SORCS3: variants seen among roughly 807,000 people sequenced by gnomAD.
The protein encoded by SORCS3 is sortilin related VPS10 domain containing receptor 3.
SORCS3 carries 57 observed loss-of-function variants against 146.3 expected under a neutral mutation model. The ratio of observed to expected loss-of-function variants is 0.39; its 90% CI spans 0.31 to 0.49. The LOEUF is 0.49. Among genes scored for constraint, SORCS3 ranks in the 20% least tolerant of loss-of-function variants. The pLI is 0.92. For missense variants in SORCS3, 1,341 were observed against 1,575.5 expected, an observed-to-expected ratio of 0.85 and a Z score of 2.52; for synonymous variants, 653 against 618.5, an observed-to-expected ratio of 1.06 and a Z score of -0.83.
intron 1 of SORCS3, among the ~76,000 whole-genome samples, chr10:104,770,908 A>T (rs2017241066): frequency 6.6e-6 from 1 of 152,172 alleles, no homozygotes; most frequent in African/African-American, 2.4e-5. Flanking sequence ...TATATCCAAA[A>T]TACTATTTTA....
chr10:105,193,114 C>T (rs538444975), intron 14 of SORCS3, among the ~76,000 whole-genome samples: 1 of 152,128 alleles, frequency 6.6e-6, no homozygotes, highest in African/African-American at 2.4e-5. Context: ...ATTAATTACT[C>T]CCCTTCCTGA....
chr10:105,090,726 C>T (rs1186230044), intron 6 of SORCS3, among the ~76,000 whole-genome samples: 1 of 152,148 alleles, frequency 6.6e-6, no homozygotes, highest in Non-Finnish European at 1.5e-5. Context: ...CCTCTCTGGG[C>T]TGTAACTCCC....
At chr10:104,789,619 A>G (rs2017474045) in intron 1 of SORCS3, among the ~76,000 whole-genome samples, 1 of 152,232 alleles carries the variant, frequency 6.6e-6, no homozygotes, top group Admixed American at 6.5e-5. Flanking sequence ...AAATGTAAAA[A>G]CTACAATTGC....
At chr10:104,643,452 A>G (rs1308244864) in intron 1 of SORCS3, among the ~76,000 whole-genome samples, 2 of 152,212 alleles carry the variant, frequency 1.3e-5, no homozygotes. Context: ...TTGAAGGACC[A>G]GTGAAGTCCA....
intron 7 of SORCS3, among the ~76,000 whole-genome samples, chr10:105,128,110 A>G (rs981312620): frequency 6.6e-6 from 1 of 152,144 alleles, no homozygotes; most frequent in African/African-American, 2.4e-5. Context: ...TATTTCCTTC[A>G]TGGGGTCATT....
chr10:104,645,407 A>G (rs1447583427), intron 1 of SORCS3, among the ~76,000 whole-genome samples: 4 of 152,166 alleles, frequency 2.6e-5, no homozygotes, highest in Non-Finnish European at 5.9e-5. Flanking sequence ...TGGAGAGTGG[A>G]AAGTTGTGAA....
chr10:104,965,037 C>G (rs2054818538), intron 3 of SORCS3, among the ~76,000 whole-genome samples: 2 of 152,132 alleles, frequency 1.3e-5, no homozygotes, highest in Admixed American at 1.3e-4. Context: ...TAGCATGTGT[C>G]AGAATTTCCT....
intron 1 of SORCS3, among the ~76,000 whole-genome samples, chr10:104,643,045 C>T (rs2015446096): frequency 6.6e-6 from 1 of 152,264 alleles, no homozygotes; most frequent in African/African-American, 2.4e-5. Context: ...CGACTTCCCT[C>T]CCTCCCGCGG....
intron 3 of SORCS3, among the ~76,000 whole-genome samples, chr10:104,919,942 A>T (rs564200307): frequency 6.6e-6 from 1 of 152,316 alleles, no homozygotes; most frequent in Admixed American, 6.5e-5. Flanking sequence ...ATAAATAAAA[A>T]TACTCTTATT....
chr10:104,771,888 A>G (rs998614007), intron 1 of SORCS3, among the ~76,000 whole-genome samples: 3 of 151,764 alleles, frequency 2.0e-5, no homozygotes, highest in African/African-American at 7.3e-5. Flanking sequence ...TTCTCCTCTG[A>G]GAGCCCTAGC....
intron 4 of SORCS3, among the ~76,000 whole-genome samples, chr10:105,022,930 T>C (rs75305359): frequency 0.017 from 2,599 of 152,134 alleles, 55 homozygotes; most frequent in African/African-American, 0.048. Context: ...AAAAAGGACT[T>C]GAGAAGAAAT....
At chr10:105,251,717 G>T (rs1410208347) in intron 22 of SORCS3, among the ~76,000 whole-genome samples, 2 of 152,094 alleles carry the variant, frequency 1.3e-5, no homozygotes, top group Non-Finnish European at 2.9e-5. Flanking sequence ...ACCCTTCACG[G>T]GGGAGAACTC....
chr10:104,695,928 T>C (rs1006200989), intron 1 of SORCS3, among the ~76,000 whole-genome samples: 106 of 145,860 alleles, frequency 7.3e-4, no homozygotes, highest in African/African-American at 2.5e-3. Flanking sequence ...GATAAAGAAA[T>C]TGTGATGTAT....
At chr10:105,207,723 GTGT>G (rs2119632219) in intron 16 of SORCS3, among the ~76,000 whole-genome samples, 1 of 152,292 alleles carries the variant, frequency 6.6e-6, no homozygotes, top group African/African-American at 2.4e-5. Context: ...GTTTCCACTA[GTGT>G]TGTTAAATAT....
At chr10:105,202,992 C>T (rs987797724) in intron 16 of SORCS3, among the ~76,000 whole-genome samples, 1 of 152,158 alleles carries the variant, frequency 6.6e-6, no homozygotes, top group Non-Finnish European at 1.5e-5. Flanking sequence ...AAAGTAAGTC[C>T]AAGTGGGCAC....
intron 4 of SORCS3, among the ~76,000 whole-genome samples, chr10:105,042,044 T>A (rs1486223546): frequency 6.6e-6 from 1 of 152,200 alleles, no homozygotes; most frequent in African/African-American, 2.4e-5. Context: ...AATAGGAGGT[T>A]TATGTTCTCA....
chr10:104,677,498 C>T (rs191840100), intron 1 of SORCS3, among the ~76,000 whole-genome samples: 14 of 152,302 alleles, frequency 9.2e-5, no homozygotes, highest in African/African-American at 1.7e-4. Flanking sequence ...TAACATTAGC[C>T]AGCCTGTCGC....
At chr10:105,160,510 C>A (rs1343010359) in intron 11 of SORCS3, among the ~76,000 whole-genome samples, 4 of 152,038 alleles carry the variant, frequency 2.6e-5, no homozygotes, top group African/African-American at 9.7e-5. Flanking sequence ...GCCTGTAGTC[C>A]CACCTACTAG....
chr10:104,858,377 T>A (rs1263660632), intron 2 of SORCS3, among the ~76,000 whole-genome samples: 1 of 152,220 alleles, frequency 6.6e-6, no homozygotes, highest in East Asian at 1.9e-4. Context: ...ATCAAAATAT[T>A]TGGCAAAAAT....
Sources: gnomAD v4.1 joint callset for allele counts (sites outside exome capture counted in the v4.1 genomes callset) on GRCh38, gnomAD v4.1.1 for gene constraint, MANE v1.5 for transcripts, NCBI Gene and HGNC (gene_info 2026-07-23, HGNC 2026-07-21) for gene names.